UNC5C: variants seen among roughly 807,000 people sequenced by gnomAD.
UNC5C encodes the protein unc-5 netrin receptor C.
UNC5C carries 47 observed loss-of-function variants against 99.8 expected under a neutral mutation model. The observed-to-expected ratio is 0.47, with a 90% CI of 0.37 to 0.60. The LOEUF (loss-of-function observed/expected upper bound fraction) is 0.60, where lower values mean the gene tolerates loss of function less well. UNC5C is among the 20% of genes least tolerant of loss of function. The pLI is 0.00. For synonymous variants in UNC5C, 487 were observed against 452.2 expected, an observed-to-expected ratio of 1.08 and a Z score of -0.98; for missense variants, 1,062 against 1,165.9, an observed-to-expected ratio of 0.91 and a Z score of 1.30.
At chr4:95,395,204 T>A (rs573832450) in intron 1 of UNC5C, among the ~76,000 whole-genome samples, 3 of 152,296 alleles carry the variant, frequency 2.0e-5, no homozygotes, top group African/African-American at 7.2e-5. Flanking sequence ...TAGAATAAAA[T>A]GCTAATCGGA....
chr4:95,239,515 A>G (rs746405116), intron 7 of UNC5C, among the ~76,000 whole-genome samples: 2 of 152,094 alleles, frequency 1.3e-5, no homozygotes, highest in Non-Finnish European at 2.9e-5. Flanking sequence ...CCTGATTTCC[A>G]GTCCCCGGGA....
At chr4:95,330,759 GAAT>G (rs1186139150) in intron 2 of UNC5C, among the ~76,000 whole-genome samples, 1 of 151,970 alleles carries the variant, frequency 6.6e-6, no homozygotes, top group Non-Finnish European at 1.5e-5. Flanking sequence ...TAGTAGATTA[GAAT>G]AATACCAATT....
chr4:95,448,032 T>C (rs1476039818), intron 1 of UNC5C, among the ~76,000 whole-genome samples: 1 of 152,098 alleles, frequency 6.6e-6, no homozygotes, highest in Non-Finnish European at 1.5e-5. Flanking sequence ...TTCCAGCTAA[T>C]GTCCAGTTGA....
intron 4 of UNC5C, among the ~76,000 whole-genome samples, chr4:95,268,107 G>A (rs542570578): frequency 1.2e-4 from 18 of 151,924 alleles, no homozygotes; most frequent in Admixed American, 3.9e-4. Flanking sequence ...CCGCCACCGC[G>A]CCCGGTTAAT....
At chr4:95,425,445 G>T (rs537683939) in intron 1 of UNC5C, among the ~76,000 whole-genome samples, 2 of 152,262 alleles carry the variant, frequency 1.3e-5, no homozygotes, top group African/African-American at 4.8e-5. Context: ...CTTCAGCGTC[G>T]CGAGTAACTG....
rs1722655564 is a variant in UNC5C, at chr4:95,531,946, G to T, written c.124+16788C>A. On this transcript the variant is annotated intron_variant, in intron 1 of 15. Transcript: ENST00000453304. ...TATTTTGTCAATATTCCATAAGATAGAATTCTACAGTTGAATAAAAGGAAA... is the reference window on the plus strand; with the variant it reads ...TATTTTGTCAATATTCCATAAGATATAATTCTACAGTTGAATAAAAGGAAA... Among the ~76,000 whole-genome samples the T allele has an allele frequency of 2.0e-5, 3 of 152,274 alleles. No homozygotes were observed. The South Asian group carries it at 6.2e-4, about 32-fold the overall frequency.
At chr4:95,528,209 C>T (rs1722545805) in intron 1 of UNC5C, among the ~76,000 whole-genome samples, 1 of 152,084 alleles carries the variant, frequency 6.6e-6, no homozygotes, top group South Asian at 2.1e-4. Context: ...TTTTCAGAGT[C>T]CTTCATACAA....
At chr4:95,312,827 G>C (rs1303601834) in intron 2 of UNC5C, among the ~76,000 whole-genome samples, 1 of 152,154 alleles carries the variant, frequency 6.6e-6, no homozygotes, top group Admixed American at 6.6e-5. Context: ...AGTCTGTTTA[G>C]TACAGATTAG....
At chr4:95,272,421 G>C (rs990526853) in intron 4 of UNC5C, among the ~76,000 whole-genome samples, 1 of 152,174 alleles carries the variant, frequency 6.6e-6, no homozygotes, top group Admixed American at 6.5e-5. Flanking sequence ...GCTTTAAAAT[G>C]CATGTTTATG....
rs958115496 is a variant in UNC5C at position 95,185,030 on chromosome 4, C to T, written c.2286+17G>A. ...TAGAGATGTCTCCAGACCTTTTGTT[C>T]GGCTTGGGAACCTTACCTGATATTT... On this transcript the variant is annotated intron_variant, in intron 13 of 15. Coordinates refer to ENST00000453304, the MANE Select transcript of UNC5C (RefSeq NM_003728.4). 17 of 1,600,172 alleles carry T rather than the reference C, an allele frequency of 1.1e-5. No individual in the cohort carries two copies. The highest frequency in any genetic ancestry group is 1.7e-4 in the Middle Eastern group (1 of 5,980).
chr4:95,245,234 AAG>A (rs771788420), intron 5 of UNC5C, 90 bp from the exon 6 acceptor site: 118 of 1,355,696 alleles, frequency 8.7e-5, no homozygotes, highest in Non-Finnish European at 1.1e-4. Context: ...TATGTAAACA[AAG>A]AGTTATTTTC....
intron 4 of UNC5C, among the ~76,000 whole-genome samples, chr4:95,256,472 A>G (rs66524785): frequency 0.15 from 23,144 of 151,848 alleles, 2,188 homozygotes; most frequent in African/African-American, 0.26. Flanking sequence ...AGCAGCACAC[A>G]TTAGGAATTG....
intron 1 of UNC5C, among the ~76,000 whole-genome samples, chr4:95,526,356 C>A (rs1722497587): frequency 6.6e-6 from 1 of 151,976 alleles, no homozygotes. Context: ...ATAATGCACC[C>A]AATCTTTCAT....
At position 95,172,379 on chromosome 4, in the gene UNC5C, C is replaced by T. The variant is rs527537830; in HGVS notation, c.2452-2047G>A. Among the ~76,000 whole-genome samples, 21 of 151,044 alleles carry T rather than the reference C, an allele frequency of 1.4e-4. No individual in the cohort carries two copies. The East Asian group carries it at 4.1e-3, about 29-fold the overall frequency. On this transcript the variant is annotated intron_variant, in intron 14 of 15. Transcript: ENST00000453304. ...AGGGTTTTTATGGTTTTAGGTCTAA[C>T]GTTTATGTCTTTAATCCATCTCGAA...
intron 1 of UNC5C, among the ~76,000 whole-genome samples, chr4:95,452,216 T>A (rs1171477611): frequency 6.6e-6 from 1 of 152,096 alleles, no homozygotes; most frequent in Non-Finnish European, 1.5e-5. Flanking sequence ...AACAATTTAT[T>A]TGAAATCCTG....
At chr4:95,386,797 A>C (rs1165578250) in intron 1 of UNC5C, among the ~76,000 whole-genome samples, 1 of 152,094 alleles carries the variant, frequency 6.6e-6, no homozygotes, top group African/African-American at 2.4e-5. Flanking sequence ...AAAAAGCCCG[A>C]GTCTTGTGCT....
chr4:95,316,428 C>T lies in UNC5C; in HGVS notation c.347-14679G>A, dbSNP rs143991620. Among the ~76,000 whole-genome samples, 45 of 152,262 alleles carry T rather than the reference C, an allele frequency of 3.0e-4. 1 individual carries two copies. The East Asian group carries it at 8.7e-3, about 29-fold the overall frequency. On this transcript the variant is annotated intron_variant, in intron 2 of 15. Coordinates refer to ENST00000453304, the MANE Select transcript of UNC5C (RefSeq NM_003728.4). ...CCGTGGGGCTCTCAGGATTCCAAGC[C>T]TAGCATCCCCACCCTCTCATAGGCG...
At chr4:95,479,207 T>C (rs79823037) in intron 1 of UNC5C, among the ~76,000 whole-genome samples, 1,878 of 152,148 alleles carry the variant, frequency 0.012, 17 homozygotes, top group Non-Finnish European at 0.019. Flanking sequence ...TAAAGAGTTA[T>C]ATGAATTTTC....
At chr4:95,483,004 TATA>T (rs71970821) in intron 1 of UNC5C, among the ~76,000 whole-genome samples, 17,102 of 103,228 alleles carry the variant, frequency 0.17, 1,089 homozygotes, top group South Asian at 0.21. Context: ...AAACTTAAAG[TATA>T]ATAATAATAA....
Sources: allele counts gnomAD v4.1 joint callset (sites outside exome capture counted in the v4.1 genomes callset), GRCh38; gene constraint gnomAD v4.1.1; transcripts MANE v1.5; gene names NCBI Gene and HGNC (gene_info 2026-07-23, HGNC 2026-07-21).